Variants in MAPK10 observed in about 807,000 individuals in gnomAD.
MAPK10 encodes mitogen-activated protein kinase 10, also known as JNK3 alpha protein kinase.
A neutral mutation model predicts 59.3 loss-of-function variants in MAPK10; 25 were observed. That is an observed-to-expected ratio of 0.42 (90% CI 0.31 to 0.59). The LOEUF (loss-of-function observed/expected upper bound fraction) is 0.59. MAPK10 is among the 20% of genes least tolerant of loss of function. MAPK10 has a pLI of 0.15. For synonymous variants in MAPK10, 190 were observed against 200.5 expected, an observed-to-expected ratio of 0.95 and a Z score of 0.44; for missense variants, 351 against 568.9, an observed-to-expected ratio of 0.62 and a Z score of 3.90.
At chr4:86,316,212 A>C (rs1300996601) in intron 2 of MAPK10, among the ~76,000 whole-genome samples, 1 of 152,206 alleles carries the variant, frequency 6.6e-6, no homozygotes, top group Non-Finnish European at 1.5e-5. Context: ...GTATATTAGC[A>C]TAGCAAATCC....
At chr4:86,326,316 A>G (rs2096021782) in intron 2 of MAPK10, 1 of 152,212 alleles carries the variant, frequency 6.6e-6, no homozygotes, top group South Asian at 2.1e-4. Flanking sequence ...GGAAGTACCT[A>G]CTGGATGCAT....
intron 4 of MAPK10, among the ~76,000 whole-genome samples, chr4:86,131,888 C>T (rs530802895): frequency 2.3e-4 from 35 of 152,096 alleles, no homozygotes; most frequent in East Asian, 9.7e-4. Context: ...ATAAAAGCCA[C>T]GAAATAAATT....
chr4:86,569,855 G>C (rs1041451124), intron 1 of MAPK10, among the ~76,000 whole-genome samples: 1 of 152,030 alleles, frequency 6.6e-6, no homozygotes, highest in Non-Finnish European at 1.5e-5. Context: ...TCAGTACAAT[G>C]CACACTATTC....
chr4:86,186,681 G>T (rs1182638756), intron 3 of MAPK10, among the ~76,000 whole-genome samples: 1 of 152,080 alleles, frequency 6.6e-6, no homozygotes, highest in Non-Finnish European at 1.5e-5. Flanking sequence ...CTGAAGGGAA[G>T]CTCTCTGCTT....
intron 11 of MAPK10, among the ~76,000 whole-genome samples, chr4:86,061,094 A>G (rs2045670685): frequency 6.6e-6 from 1 of 152,332 alleles, no homozygotes; most frequent in Non-Finnish European, 1.5e-5. Context: ...TGCTGTACAT[A>G]TGATAAGAAA....
chr4:86,492,642 T>C (rs182830864), intron 1 of MAPK10, among the ~76,000 whole-genome samples: 1 of 152,356 alleles, frequency 6.6e-6, no homozygotes, highest in East Asian at 1.9e-4. Context: ...AGATAATTAA[T>C]GTAAAATATT....
At chr4:86,593,658 G>GT (rs1348915757) in intron 1 of MAPK10, 2 of 152,312 alleles carry the variant, frequency 1.3e-5, no homozygotes, top group African/African-American at 4.8e-5. Context: ...GAGAATTTCA[G>GT]TTTTCCCTAG....
intron 3 of MAPK10, among the ~76,000 whole-genome samples, chr4:86,187,488 G>A (rs1198047096): frequency 3.3e-5 from 5 of 151,962 alleles, no homozygotes; most frequent in Non-Finnish European, 7.4e-5. Context: ...GTTATTTCTG[G>A]AATTTTCAAT....
chr4:86,361,693 T>C (rs1230808903), upstream of MAPK10, among the ~76,000 whole-genome samples: 4 of 152,016 alleles, frequency 2.6e-5, no homozygotes, highest in African/African-American at 7.2e-5. Flanking sequence ...GCTGGAATAC[T>C]ATTCAGACTT....
intron 1 of MAPK10, among the ~76,000 whole-genome samples, chr4:86,477,959 C>T (rs11097111): frequency 0.11 from 16,786 of 152,196 alleles, 1,178 homozygotes; most frequent in East Asian, 0.24. Flanking sequence ...CAAGGCTTCA[C>T]GGACAGCCTC....
intron 9 of MAPK10, chr4:86,081,379 A>ACTT (rs1184957485): frequency 1.3e-5 from 2 of 152,086 alleles, no homozygotes; most frequent in Non-Finnish European, 2.9e-5. Context: ...CAGATTGCCA[A>ACTT]CTTCTAAAAC....
chr4:86,585,642 C>T (rs1762605179), intron 1 of MAPK10, among the ~76,000 whole-genome samples: 2 of 152,172 alleles, frequency 1.3e-5, no homozygotes, highest in Non-Finnish European at 2.9e-5. Flanking sequence ...AGCTGAAGAA[C>T]TACTCATCCT....
At chr4:86,468,120 C>A (rs1752366719) in intron 1 of MAPK10, among the ~76,000 whole-genome samples, 3 of 152,204 alleles carry the variant, frequency 2.0e-5, no homozygotes, top group East Asian at 3.9e-4. Flanking sequence ...CCTCCTTAAA[C>A]CCTCCTGAGA....
intron 2 of MAPK10, among the ~76,000 whole-genome samples, chr4:86,236,857 T>C (rs1436444234): frequency 3.3e-5 from 5 of 152,112 alleles, no homozygotes; most frequent in Admixed American, 2.0e-4. Context: ...TGGAAGAGAA[T>C]AGGTTCTTTA....
At chr4:86,226,223 G>A (rs2148654069) in intron 2 of MAPK10, among the ~76,000 whole-genome samples, 1 of 152,334 alleles carries the variant, frequency 6.6e-6, no homozygotes, top group Non-Finnish European at 1.5e-5. Context: ...ATCTAAGTGT[G>A]TGAGGGGCTC....
intron 1 of MAPK10, among the ~76,000 whole-genome samples, chr4:86,507,841 A>G (rs993688947): frequency 5.3e-5 from 8 of 150,586 alleles, no homozygotes; most frequent in African/African-American, 2.0e-4. Flanking sequence ...CTCATGCACC[A>G]ATGCCTGATA....
intron 9 of MAPK10, chr4:86,080,975 A>T (rs2050529258): frequency 6.6e-6 from 1 of 152,028 alleles, no homozygotes; most frequent in Non-Finnish European, 1.5e-5. Flanking sequence ...ATAATTCTGA[A>T]GATGACAAAA....
intron 1 of MAPK10, among the ~76,000 whole-genome samples, chr4:86,435,235 A>G (rs1249465498): frequency 1.3e-5 from 2 of 152,138 alleles, no homozygotes; most frequent in Non-Finnish European, 2.9e-5. Flanking sequence ...AGTGGCTCAT[A>G]CCTGTAATCC....
chr4:86,072,256 T>G (rs1198309206), intron 9 of MAPK10, among the ~76,000 whole-genome samples: 1 of 151,650 alleles, frequency 6.6e-6, no homozygotes, highest in Non-Finnish European at 1.5e-5. Flanking sequence ...TCCTGAGACT[T>G]TGCTGAAGTT....
Sources: allele counts gnomAD v4.1 joint callset (sites outside exome capture counted in the v4.1 genomes callset), GRCh38; gene constraint gnomAD v4.1.1; transcripts MANE v1.5; gene names NCBI Gene and HGNC (gene_info 2026-07-23, HGNC 2026-07-21).